NHSL1: variants seen among roughly 807,000 people sequenced by gnomAD.
NHSL1 encodes the protein NHS-like protein 1.
Under a neutral mutation model 95.0 loss-of-function variants are expected in NHSL1, and 48 were observed. The ratio of observed to expected loss-of-function variants is 0.51; its 90% confidence interval spans 0.40 to 0.64. NHSL1 has a LOEUF of 0.64. Among genes scored for constraint, NHSL1 ranks in the 30% least tolerant of loss-of-function variants. The probability of loss-of-function intolerance (pLI) is 0.00; values close to 1 mark genes in which losing one functional copy is unlikely to be tolerated. For synonymous variants in NHSL1, 783 were observed against 833.9 expected (o/e 0.94, Z 1.05); for missense variants, 1,971 against 2,077.7 (o/e 0.95, Z 1.00).
chr6:138,479,097 GA>G (rs1198261628), intron 2 of NHSL1, among the ~76,000 whole-genome samples: 1 of 152,132 alleles, frequency 6.6e-6, no homozygotes, highest in African/African-American at 2.4e-5. Flanking sequence ...GTGGATGCCT[GA>G]AACCACAGAC....
chr6:138,434,247 A>T (rs1775916189), intron 5 of NHSL1, among the ~76,000 whole-genome samples: 1 of 152,218 alleles, frequency 6.6e-6, no homozygotes, highest in Non-Finnish European at 1.5e-5. Context: ...ACATTTCATT[A>T]TCCATCTGAA....
intron 1 of NHSL1, among the ~76,000 whole-genome samples, chr6:138,679,629 G>A (rs916477308): frequency 7.2e-5 from 11 of 152,122 alleles, no homozygotes. Context: ...GCCCTAGGAA[G>A]CCCAGAAGAA....
chr6:138,658,523 T>C (rs1562404836), intron 1 of NHSL1, among the ~76,000 whole-genome samples: 1 of 152,264 alleles, frequency 6.6e-6, no homozygotes, highest in Non-Finnish European at 1.5e-5. Context: ...TAGTGAGCTT[T>C]CCTTATTTTT....
At chr6:138,545,762 G>A (rs1026620843), upstream of NHSL1, 16 of 1,210,692 alleles carry the variant, frequency 1.3e-5, no homozygotes, top group South Asian at 1.0e-4. Context: ...GCCAGCCAGC[G>A]CCTGTTACTC....
chr6:138,507,565 A>G (rs528842609), intron 1 of NHSL1, among the ~76,000 whole-genome samples: 1 of 152,318 alleles, frequency 6.6e-6, no homozygotes, highest in African/African-American at 2.4e-5. Flanking sequence ...TATGCTCTCA[A>G]TTTTTACAGT....
intron 1 of NHSL1, among the ~76,000 whole-genome samples, chr6:138,668,630 T>TC (rs998210882): frequency 6.7e-6 from 1 of 149,066 alleles, no homozygotes; most frequent in African/African-American, 2.4e-5. Flanking sequence ...TTTTTTCTTT[T>TC]TTTTTTTTTT....
chr6:138,492,113 T>C (rs955186208), intron 2 of NHSL1, among the ~76,000 whole-genome samples: 1 of 152,246 alleles, frequency 6.6e-6, no homozygotes, highest in African/African-American at 2.4e-5. Flanking sequence ...ATACAAAAGA[T>C]ATCTGCTATA....
At chr6:138,608,260 C>T (rs1784461085) in intron 1 of NHSL1, among the ~76,000 whole-genome samples, 2 of 152,242 alleles carry the variant, frequency 1.3e-5, no homozygotes, top group African/African-American at 2.4e-5. Context: ...GTTTCTCATA[C>T]TGAGTAATTT....
At chr6:138,468,269 G>C (rs1441076416) in intron 3 of NHSL1, among the ~76,000 whole-genome samples, 1 of 152,090 alleles carries the variant, frequency 6.6e-6, no homozygotes, top group Non-Finnish European at 1.5e-5. Context: ...CCTTTCCTAG[G>C]TTCAGATACA....
At chr6:138,685,176 G>T (rs1413263846) in intron 1 of NHSL1, among the ~76,000 whole-genome samples, 2 of 151,900 alleles carry the variant, frequency 1.3e-5, no homozygotes, top group Non-Finnish European at 2.9e-5. Context: ...TAATATTAGG[G>T]TTTTCTTTAA....
At chr6:138,622,833 C>T (rs1282870893) in intron 1 of NHSL1, among the ~76,000 whole-genome samples, 1 of 152,160 alleles carries the variant, frequency 6.6e-6, no homozygotes, top group African/African-American at 2.4e-5. Context: ...AGTTCCTGCT[C>T]CCAAGGGGTT....
At chr6:138,682,636 G>GGAACGGAT (rs1785526491) in intron 1 of NHSL1, among the ~76,000 whole-genome samples, 1 of 151,020 alleles carries the variant, frequency 6.6e-6, no homozygotes, top group African/African-American at 2.4e-5. Flanking sequence ...ATACAGTTCA[G>GGAACGGAT]GAATGGATGA....
chr6:138,625,547 CA>C, intron 1 of NHSL1, among the ~76,000 whole-genome samples: 2 of 151,516 alleles, frequency 1.3e-5, no homozygotes, highest in South Asian at 4.2e-4. Flanking sequence ...TAGACAGTAG[CA>C]ATTTTATTTT....
At chr6:138,457,330 G>C (rs1777678859) in intron 3 of NHSL1, among the ~76,000 whole-genome samples, 1 of 152,146 alleles carries the variant, frequency 6.6e-6, no homozygotes, top group Non-Finnish European at 1.5e-5. Context: ...GAACATCAAA[G>C]ATATGTGTGG....
At chr6:138,602,647 A>T (rs1583443775) in intron 1 of NHSL1, among the ~76,000 whole-genome samples, 1 of 152,254 alleles carries the variant, frequency 6.6e-6, no homozygotes, top group East Asian at 1.9e-4. Flanking sequence ...CCAGCCGGTT[A>T]TTGTATTTTT....
chr6:138,610,679 T>C (rs952839383), intron 1 of NHSL1, among the ~76,000 whole-genome samples: 12 of 152,000 alleles, frequency 7.9e-5, no homozygotes, highest in Admixed American at 5.9e-4. Flanking sequence ...CAAAGACTCA[T>C]AGGTAACTAT....
intron 1 of NHSL1, among the ~76,000 whole-genome samples, chr6:138,614,600 C>G (rs1422765103): frequency 3.9e-5 from 6 of 152,288 alleles, no homozygotes; most frequent in African/African-American, 1.4e-4. Flanking sequence ...CCCATTTCAA[C>G]CGAGGAAACT....
At chr6:138,610,557 ATATT>A (rs1562390955) in intron 1 of NHSL1, among the ~76,000 whole-genome samples, 3 of 81,910 alleles carry the variant, frequency 3.7e-5, no homozygotes, top group South Asian at 4.0e-4. Context: ...AAATATATAT[ATATT>A]ATATATATAT....
chr6:138,601,289 T>C (rs1021277913), intron 1 of NHSL1, among the ~76,000 whole-genome samples: 3 of 152,226 alleles, frequency 2.0e-5, no homozygotes, highest in African/African-American at 7.2e-5. Flanking sequence ...AAATCTGTTA[T>C]GTTCTCCAGT....
Sources: allele counts gnomAD v4.1 joint callset (sites outside exome capture counted in the v4.1 genomes callset), GRCh38; gene constraint gnomAD v4.1.1; transcripts MANE v1.5; gene names NCBI Gene and HGNC (gene_info 2026-07-23, HGNC 2026-07-21).